The following MIPEP variants were observed in gnomAD, a reference collection of about 807,000 sequenced individuals.
MIPEP encodes mitochondrial intermediate peptidase.
Under a neutral mutation model 90.3 loss-of-function variants are expected in MIPEP, and 79 were observed. That is an observed-to-expected ratio of 0.87 (90% confidence interval 0.73 to 1.05). MIPEP has a LOEUF of 1.05. Ranked by LOEUF, MIPEP falls within the 50% of genes least tolerant of loss-of-function variation. MIPEP has a pLI of 0.00. For synonymous variants in MIPEP, 334 were observed against 315.8 expected, an observed-to-expected ratio of 1.06 and a Z score of -0.61; for missense variants, 940 against 905.6, an observed-to-expected ratio of 1.04 and a Z score of -0.49.
intron 18 of MIPEP, among the ~76,000 whole-genome samples, chr13:23,737,124 C>A (rs930153269): frequency 1.3e-5 from 2 of 152,226 alleles, no homozygotes. Context: ...ACCCAACTTA[C>A]ACGGCTTCCG....
intron 9 of MIPEP, among the ~76,000 whole-genome samples, chr13:23,860,388 T>C (rs1870237840): frequency 6.6e-6 from 1 of 152,046 alleles, no homozygotes; most frequent in Non-Finnish European, 1.5e-5. Context: ...AATTAAAGAA[T>C]CAAAGAAAGC....
At chr13:23,826,429 A>G (rs374008442) in intron 14 of MIPEP, among the ~76,000 whole-genome samples, 2 of 152,300 alleles carry the variant, frequency 1.3e-5, no homozygotes, top group East Asian at 1.9e-4. Flanking sequence ...ATGAAGCCAT[A>G]AAATAAATAT....
At chr13:23,853,615 C>T (rs868602533) in intron 10 of MIPEP, among the ~76,000 whole-genome samples, 1 of 151,014 alleles carries the variant, frequency 6.6e-6, no homozygotes, top group African/African-American at 2.4e-5. Context: ...AACTGGAGTG[C>T]AGTGTCATTA....
At chr13:23,862,212 G>A (rs1015219165) in intron 9 of MIPEP, 90 bp downstream of exon 9, 14 of 773,634 alleles carry the variant, frequency 1.8e-5, no homozygotes, top group Non-Finnish European at 2.6e-5. Context: ...TGGACCTGTA[G>A]CCTATCACAA....
Position 23,739,291 on chromosome 13 carries a change from C to T in MIPEP, c.2045-8846G>A, listed in dbSNP as rs1952299139. Among the ~76,000 whole-genome samples, 5 of 152,208 alleles carry T rather than the reference C, an allele frequency of 3.3e-5. No individual in the cohort carries two copies. The South Asian group carries it at 1.0e-3, about 32-fold the overall frequency. On this transcript the variant is annotated intron_variant, in intron 18 of 18. Transcript: ENST00000382172. ...TGTGAGCTGTGTGGAAGCTGGGGCT[C>T]TGCACTTGCTCAAGAAGTCTCCCAG...
chr13:23,867,707 G>A lies in MIPEP; in HGVS notation c.943+1585C>T, dbSNP rs1870603999. Among the ~76,000 whole-genome samples the A allele has an allele frequency of 3.9e-5, 6 of 152,188 alleles. No individual in the cohort carries two copies. In the South Asian group the frequency reaches 1.3e-3, roughly 32 times the overall value. On this transcript the variant is annotated intron_variant, in intron 7 of 18. Transcript: ENST00000382172. ...TTTGCTGAATTAATAAACAAAAGGG[G>A]GATGTAGATGATATAAAACATAGGG... is the stretch of plus-strand genomic sequence containing the variant.
At chr13:23,862,511 C>T in intron 8 of MIPEP, 149 bp from the exon 9 acceptor site, 1 of 557,974 alleles carries the variant, frequency 1.8e-6, no homozygotes, top group Non-Finnish European at 3.2e-6. Flanking sequence ...CCAAATTTTA[C>T]CTAAGTGTCA....
chr13:23,826,095 T>C (rs139625737), intron 14 of MIPEP, among the ~76,000 whole-genome samples: 1 of 151,992 alleles, frequency 6.6e-6, no homozygotes, highest in African/African-American at 2.4e-5. Context: ...ACAAGAAACA[T>C]ATAAAGATTA....
intron 6 of MIPEP, among the ~76,000 whole-genome samples, chr13:23,869,654 G>A (rs1480242033): frequency 6.6e-6 from 1 of 152,208 alleles, no homozygotes; most frequent in Non-Finnish European, 1.5e-5. Flanking sequence ...CTAGGGTACT[G>A]TTCTGAGGTA....
chr13:23,747,931 G>A (rs1489273623), intron 18 of MIPEP, among the ~76,000 whole-genome samples: 1 of 152,168 alleles, frequency 6.6e-6, no homozygotes. Flanking sequence ...AGTAGAGAAG[G>A]AGTTTCACTA....
intron 16 of MIPEP, among the ~76,000 whole-genome samples, chr13:23,774,784 CTTTTTTTTT>C (rs67628137): frequency 1.2e-3 from 81 of 68,298 alleles, no homozygotes; most frequent in African/African-American, 5.2e-3. Context: ...TTTATCAGTT[CTTTTTTTTT>C]TTTTTTTTTT....
chr13:23,796,505 G>C (rs1054029275), intron 16 of MIPEP, among the ~76,000 whole-genome samples: 1 of 151,780 alleles, frequency 6.6e-6, no homozygotes, highest in South Asian at 2.1e-4. Context: ...ATATATTAAA[G>C]CATTAACACC....
chr13:23,738,448 G>GTTTTTTTTTTTTTTTTT, intron 18 of MIPEP, among the ~76,000 whole-genome samples: 1 of 139,584 alleles, frequency 7.2e-6, no homozygotes, highest in Non-Finnish European at 1.6e-5. Flanking sequence ...AAATTACTGA[G>GTTTTTTTTTTTTTTTTT]TTTTTTTTTT....
intron 10 of MIPEP, among the ~76,000 whole-genome samples, chr13:23,849,870 AATTAAGGTAAAGAAAGAACT>A: frequency 6.6e-6 from 1 of 152,360 alleles, no homozygotes; most frequent in East Asian, 1.9e-4. Context: ...ACGCACCTGG[AATTAAGGTAAAGAAAGAACT>A]TGGATATTAC....
intron 3 of MIPEP, among the ~76,000 whole-genome samples, chr13:23,880,235 A>G (rs1250877153): frequency 6.6e-6 from 1 of 152,110 alleles, no homozygotes; most frequent in African/African-American, 2.4e-5. Context: ...TGAAACGTAG[A>G]TAGTCATTAC....
At chr13:23,808,872 C>A (rs962047079) in intron 15 of MIPEP, among the ~76,000 whole-genome samples, 1 of 152,134 alleles carries the variant, frequency 6.6e-6, no homozygotes, top group African/African-American at 2.4e-5. Flanking sequence ...ACATTTATTA[C>A]CTTCTAGGGA....
At chr13:23,865,725 A>T (rs1489481165) in intron 7 of MIPEP, among the ~76,000 whole-genome samples, 2 of 149,530 alleles carry the variant, frequency 1.3e-5, no homozygotes, top group Non-Finnish European at 3.0e-5. Context: ...GCTGGAGTGC[A>T]GAAGTCCCAT....
chr13:23,805,047 G>C (rs9580757), intron 16 of MIPEP, among the ~76,000 whole-genome samples: 11,773 of 152,172 alleles, frequency 0.077, 1,546 homozygotes, highest in African/African-American at 0.27. Context: ...GACATTGTGG[G>C]AGACCTAAAT....
chr13:23,889,073 C>T, intron 1 of MIPEP, 59 bp downstream of exon 1: 2 of 1,333,646 alleles, frequency 1.5e-6, no homozygotes, highest in Non-Finnish European at 9.7e-7. Context: ...TTGCTGGCCG[C>T]GCGGAGCAGG....
Sources: gnomAD v4.1 joint callset for allele counts (sites outside exome capture counted in the v4.1 genomes callset) on GRCh38, gnomAD v4.1.1 for gene constraint, MANE v1.5 for transcripts, NCBI Gene and HGNC (gene_info 2026-07-23, HGNC 2026-07-21) for gene names.